Variants in FMO5 observed in about 807,000 individuals in gnomAD.
FMO5 encodes flavin-containing monooxygenase 5.
Under a neutral mutation model 43.6 loss-of-function variants are expected in FMO5, and 51 were observed. The observed-to-expected ratio is 1.17, with a 90% CI of 0.93 to 1.48. The LOEUF is 1.48. FMO5 is among the 40% of genes most tolerant of loss of function. The probability of loss-of-function intolerance (pLI) is 0.00; values close to 1 mark genes in which losing one functional copy is unlikely to be tolerated. For synonymous variants in FMO5, 187 were observed against 216.5 expected (o/e 0.86, Z 1.20); for missense variants, 644 against 643.0 (o/e 1.00, Z -0.02).
chr1:147,201,390 C>T lies in FMO5; in HGVS notation c.945G>A (p.Glu315=). The T allele has an allele frequency of 6.2e-7, 1 of 1,614,080 alleles. No homozygotes were observed. Among genetic ancestry groups the T allele is most frequent in the African/African-American group, 1.3e-5 (1 of 75,048 alleles). ...KEFTETAAIF[E]DGSREDDIDA... Reference sequence around the variant, plus strand: ...CAATGTCATCCTCCCTGGAGCCATCCTCAAATATGGCAGCTGTCTCCGTGA... The same window carrying T: ...CAATGTCATCCTCCCTGGAGCCATCTTCAAATATGGCAGCTGTCTCCGTGA... Residue 315 remains glutamate (E), a synonymous_variant, in exon 7 of 9, where the codon GAG becomes GAA. Coordinates refer to ENST00000254090, the MANE Select transcript of FMO5 (RefSeq NM_001461.4).
chr1:147,198,723 C>T (rs781894419), intron 7 of FMO5, among the ~76,000 whole-genome samples: 10 of 151,774 alleles, frequency 6.6e-5, no homozygotes, highest in South Asian at 4.2e-4. Flanking sequence ...TGGTGGCGGG[C>T]GCCTGTAGTC....
intron 3 of FMO5, chr1:147,215,259 T>C (rs369642961): frequency 2.0e-5 from 3 of 152,310 alleles, no homozygotes; most frequent in African/African-American, 7.2e-5. Context: ...TTCAGGTTTT[T>C]ATTCTGCAAT....
chr1:147,208,260 A>G (rs1042364166), intron 6 of FMO5, among the ~76,000 whole-genome samples: 2 of 152,016 alleles, frequency 1.3e-5, no homozygotes, highest in African/African-American at 4.8e-5. Flanking sequence ...GTCCTCAGCT[A>G]TCATTTTGTT....
At chr1:147,213,555 C>T (rs1340312267) in intron 3 of FMO5, 85 bp from the exon 4 acceptor site, 1 of 1,175,334 alleles carries the variant, frequency 8.5e-7, no homozygotes, top group Non-Finnish European at 1.2e-6. Flanking sequence ...ATATCACAGA[C>T]ACTATCACAT....
intron 2 of FMO5, among the ~76,000 whole-genome samples, chr1:147,217,804 A>C (rs1229587946): frequency 6.6e-6 from 1 of 152,186 alleles, no homozygotes; most frequent in Non-Finnish European, 1.5e-5. Flanking sequence ...CTGCAGAATA[A>C]AGTTCCTATT....
At chr1:147,222,683 C>T (rs1553926559) in intron 2 of FMO5, among the ~76,000 whole-genome samples, 4 of 152,292 alleles carry the variant, frequency 2.6e-5, no homozygotes, top group African/African-American at 9.6e-5. Context: ...TATGATGAAA[C>T]ACAGCTTATT....
At chr1:147,203,519 A>G (rs1288780438) in intron 6 of FMO5, 1 of 885,772 alleles carries the variant, frequency 1.1e-6, no homozygotes, top group Non-Finnish European at 1.9e-6. Flanking sequence ...GGTACTGCAT[A>G]AAGTTTAGAG....
At chr1:147,197,467 C>T (rs1205395060) in intron 7 of FMO5, among the ~76,000 whole-genome samples, 4 of 152,076 alleles carry the variant, frequency 2.6e-5, no homozygotes, top group Non-Finnish European at 5.9e-5. Flanking sequence ...TTTTGGGTCC[C>T]ACAATCCCCA....
At chr1:147,186,231 G>A (rs1655603772), downstream of FMO5, 1 of 727,130 alleles carries the variant, frequency 1.4e-6, no homozygotes, top group Non-Finnish European at 1.7e-6. Context: ...GCAGATGGTA[G>A]ATGATCTGAA....
chr1:147,186,564 A>T lies in FMO5; in HGVS notation c.*336T>A. On this transcript the variant is annotated 3_prime_UTR_variant, in exon 9 of 9. Coordinates refer to ENST00000254090, the MANE Select transcript of FMO5 (RefSeq NM_001461.4). The stretch of plus-strand genomic sequence containing the variant: ...ATACCGATGCTGACTTACTCTCCCT[A>T]CCATAAAATTTGATAAACAACAAAC... 9.8e-7 allele frequency: 1 copy of T among 1,023,428 alleles called. No individual in the cohort carries two copies. The highest frequency in any genetic ancestry group is 1.2e-6 in the Non-Finnish European group (1 of 855,354). The allele number at this position is 1,023,428 out of a possible 1,614,324, so 63.4% of individuals were successfully genotyped here.
intron 2 of FMO5, among the ~76,000 whole-genome samples, chr1:147,218,314 C>T (rs1553925481): frequency 6.6e-6 from 1 of 151,390 alleles, no homozygotes; most frequent in African/African-American, 2.4e-5. Context: ...CAGCTCCCTG[C>T]AACCTCTGCC....
chr1:147,186,242 T>A (rs1341487307), downstream of FMO5: 1 of 849,658 alleles, frequency 1.2e-6, no homozygotes, highest in Non-Finnish European at 1.4e-6. Flanking sequence ...ATGATCTGAA[T>A]GACTGTGAGC....
chr1:147,186,364 A>G lies in FMO5; in HGVS notation c.*536T>C. The G allele has an allele frequency of 1.1e-6, 1 of 949,078 alleles. No homozygotes were observed. Among genetic ancestry groups the G allele is most frequent in the East Asian group, 1.2e-4 (1 of 8,624 alleles). 58.8% of individuals were successfully genotyped at this position (949,078 alleles called of 1,614,324 possible). The stretch of plus-strand genomic sequence containing the variant: ...CACTAGTGAATAGCAAGTGAAACAA[A>G]ATGTCTTAAGCATCTATATGTCTTA... On this transcript the variant is annotated 3_prime_UTR_variant, in exon 9 of 9. Coordinates refer to ENST00000254090, the MANE Select transcript of FMO5 (RefSeq NM_001461.4).
chr1:147,191,247 A>C (rs1656729309), intron 7 of FMO5, among the ~76,000 whole-genome samples: 1 of 152,144 alleles, frequency 6.6e-6, no homozygotes, highest in Non-Finnish European at 1.5e-5. Flanking sequence ...TAGATTCCTG[A>C]GGAATCGCCA....
chr1:147,204,227 T>C lies in FMO5; in HGVS notation c.831-2723A>G, dbSNP rs587635815. The C allele has an allele frequency of 1.3e-5, 18 of 1,370,558 alleles. No individual in the cohort carries two copies. The East Asian group carries it at 3.9e-4, about 30-fold the overall frequency. The allele number at this position is 1,370,558 out of a possible 1,614,324, so 84.9% of individuals were successfully genotyped here. ...ACAAGAGTACACTGCTATTTTTGCA[T>C]CTTTGACAGATGTACATCACCTTCT... On this transcript the variant is annotated intron_variant, in intron 6 of 8. Coordinates refer to ENST00000254090, the MANE Select transcript of FMO5 (RefSeq NM_001461.4).
At chr1:147,184,433 A>C, downstream of FMO5, 1 of 1,392,424 alleles carries the variant, frequency 7.2e-7, no homozygotes, top group Non-Finnish European at 9.3e-7. The surrounding 1 kb of genome is among the most constrained non-coding windows in gnomAD (Gnocchi z 4.4). Context: ...CTTAATTTTT[A>C]CTTAAAGTTC....
chr1:147,210,072 T>C (rs1427013533), intron 5 of FMO5: 4 of 152,188 alleles, frequency 2.6e-5, no homozygotes, highest in African/African-American at 9.7e-5. Flanking sequence ...TCATCTATAT[T>C]ACAACAACCT....
intron 6 of FMO5, among the ~76,000 whole-genome samples, chr1:147,206,033 T>C (rs371697283): frequency 6.6e-6 from 1 of 151,358 alleles, no homozygotes; most frequent in East Asian, 1.9e-4. Flanking sequence ...AAAGGGCTAA[T>C]ATCCAGAATC....
At position 147,215,821 on chromosome 1, in the gene FMO5, G is replaced by A; in HGVS notation, c.257C>T (p.Ala86Val). ...PDHYPNFMHN[A>V]QVLEYFRMYA... The stretch of plus-strand genomic sequence containing the variant: ...CATCCTGAAATACTCCAGGACCTGG[G>A]CATTATGCATGAAGTTGGGATAATG... The change falls in exon 3 of 9, where the codon GCC (alanine) becomes GTC (valine). Residue 86 changes from alanine to valine, a missense_variant. Ala to Val is a moderately conservative substitution (Grantham distance 64). Coordinates refer to ENST00000254090, the MANE Select transcript of FMO5 (RefSeq NM_001461.4). 5 of 1,613,526 alleles carry A rather than the reference G, an allele frequency of 3.1e-6. No homozygotes were observed. The highest frequency in any genetic ancestry group is 4.2e-6 in the Non-Finnish European group (5 of 1,179,510).
Sources: gnomAD v4.1 joint callset for allele counts (sites outside exome capture counted in the v4.1 genomes callset) on GRCh38, gnomAD v4.1.1 for gene constraint, Gnocchi (gnomAD v3.1) non-coding constraint, MANE v1.5 for transcripts, NCBI Gene and HGNC (gene_info 2026-07-23, HGNC 2026-07-21) for gene names.